Variants in EP300 observed in about 807,000 individuals in gnomAD.
The protein encoded by EP300 is histone acetyltransferase p300.
EP300 carries 31 observed loss-of-function variants against 264.0 expected under a neutral mutation model. That is an observed-to-expected ratio of 0.12 (90% CI 0.09 to 0.16). EP300 has a LOEUF of 0.16. EP300 is among the 10% of genes least tolerant of loss of function. The pLI is 1.00. For synonymous variants in EP300, 1,340 were observed against 1,045.4 expected, an observed-to-expected ratio of 1.28 and a Z score of -5.44; for missense variants, 2,766 against 3,052.9, an observed-to-expected ratio of 0.91 and a Z score of 2.21.
chr22:41,135,082 A>G (rs1457212952), intron 6 of EP300, among the ~76,000 whole-genome samples: 1 of 151,346 alleles, frequency 6.6e-6, no homozygotes, highest in African/African-American at 2.4e-5. Flanking sequence ...GTTTTCTTTT[A>G]GTAGAGACAG....
At chr22:41,136,177 C>T (rs1045184163) in intron 7 of EP300, among the ~76,000 whole-genome samples, 7 of 152,190 alleles carry the variant, frequency 4.6e-5, no homozygotes, top group African/African-American at 1.2e-4. Context: ...AGGAACACAC[C>T]ACCATGCCCA....
intron 9 of EP300, 87 bp downstream of exon 9, chr22:41,140,344 T>TGCTAA: frequency 1.1e-6 from 1 of 917,780 alleles, no homozygotes; most frequent in Non-Finnish European, 1.8e-6. Context: ...AAGTAGTACA[T>TGCTAA]ATGCTTCAGA....
At chr22:41,107,480 G>A (rs1386419234) in intron 1 of EP300, among the ~76,000 whole-genome samples, 1 of 151,648 alleles carries the variant, frequency 6.6e-6, no homozygotes, top group Non-Finnish European at 1.5e-5. Context: ...TAGATTTTGA[G>A]CCAAAATTGT....
intron 6 of EP300, among the ~76,000 whole-genome samples, chr22:41,132,990 A>G (rs921696703): frequency 6.6e-6 from 1 of 152,194 alleles, no homozygotes; most frequent in Non-Finnish European, 1.5e-5. Context: ...AAGCAGTTCA[A>G]ATATCTAAGC....
chr22:41,173,583 A>G (rs773181651), intron 28 of EP300, 40 bp from the exon 29 acceptor site: 3 of 1,611,588 alleles, frequency 1.9e-6, no homozygotes, highest in Non-Finnish European at 2.5e-6. Flanking sequence ...ATTACTTAAC[A>G]AAAACCTTAT....
chr22:41,163,459 G>A (rs949538586), intron 21 of EP300, among the ~76,000 whole-genome samples: 5 of 140,550 alleles, frequency 3.6e-5, no homozygotes, highest in Admixed American at 2.9e-4. Context: ...AAAAAAATTA[G>A]CCAGGTTTGG....
chr22:41,174,020 G>A (rs959269638), intron 29 of EP300, among the ~76,000 whole-genome samples: 10 of 152,204 alleles, frequency 6.6e-5, no homozygotes, highest in African/African-American at 2.4e-4. Context: ...TGAGGCAGGA[G>A]AATTGCTTGA....
At chr22:41,132,221 C>CA (rs2058923783) in intron 6 of EP300, among the ~76,000 whole-genome samples, 1 of 148,690 alleles carries the variant, frequency 6.7e-6, no homozygotes, top group Non-Finnish European at 1.5e-5. Flanking sequence ...ACTATGTAGA[C>CA]ATCTTTCATA....
chr22:41,111,644 C>T (rs2058791112), intron 1 of EP300, among the ~76,000 whole-genome samples: 1 of 151,906 alleles, frequency 6.6e-6, no homozygotes, highest in Admixed American at 6.6e-5. Context: ...CCAAGTCAAG[C>T]GATTCTCCTG....
intron 1 of EP300, among the ~76,000 whole-genome samples, chr22:41,109,481 C>A (rs2058776807): frequency 6.6e-6 from 1 of 152,008 alleles, no homozygotes. Context: ...AAGAAAAATG[C>A]CTGACACATT....
intron 1 of EP300, among the ~76,000 whole-genome samples, chr22:41,094,736 T>C (rs1003574267): frequency 6.6e-6 from 1 of 152,224 alleles, no homozygotes. Flanking sequence ...GTGGTAGTTT[T>C]TGCTTTTTAG....
At chr22:41,146,879 T>C in intron 11 of EP300, 63 bp downstream of exon 11, 1 of 1,413,666 alleles carries the variant, frequency 7.1e-7, no homozygotes. Flanking sequence ...AGATAATACT[T>C]GCTACCTGAA....
At chr22:41,114,262 G>C (rs2058809658) in intron 1 of EP300, among the ~76,000 whole-genome samples, 1 of 152,104 alleles carries the variant, frequency 6.6e-6, no homozygotes, top group Non-Finnish European at 1.5e-5. Context: ...GCTCACTGCA[G>C]CCTCAACTTC....
intron 27 of EP300, 98 bp downstream of exon 27, chr22:41,170,669 T>A: frequency 7.4e-7 from 1 of 1,354,786 alleles, no homozygotes; most frequent in Non-Finnish European, 1.0e-6. Context: ...TTTTTTTTTT[T>A]TTTTTTTTTT....
rs954848183 is a variant in EP300, at chr22:41,131,762, A to G, written c.1528+129A>G. On this transcript the variant is annotated intron_variant, in intron 6 of 30. Coordinates refer to ENST00000263253, the MANE Select transcript of EP300 (RefSeq NM_001429.4). ...TTTTAAGTAATTTTTTAAAGATTACAGTGTAAAAGGTCCCTTACAGTTCAT... is the reference window on the plus strand; with the variant it reads ...TTTTAAGTAATTTTTTAAAGATTACGGTGTAAAAGGTCCCTTACAGTTCAT... The G allele has an allele frequency of 5.8e-6, 8 of 1,368,538 alleles. No individual in the cohort carries two copies. The African/African-American group carries it at 8.6e-5, about 15-fold the overall frequency. 84.8% of individuals were successfully genotyped at this position (1,368,538 alleles called of 1,614,324 possible).
At position 41,169,573 on chromosome 22, in the gene EP300, C is replaced by T; in HGVS notation, c.4243C>T (p.His1415Tyr). The change falls in exon 26 of 31, where the codon CAT becomes TAT. Residue 1415 changes from histidine to tyrosine, a missense_variant. His to Tyr is a moderately conservative substitution (Grantham distance 83). Transcript: ENST00000263253. ...RPKCLRTAVY[H>Y]EILIGYLEYV... The stretch of plus-strand genomic sequence containing the variant: ...TAAATGCTTGAGGACTGCAGTCTAT[C>T]ATGAAATCCTAATTGGATATTTAGA... 1.2e-6 allele frequency: 2 copies of T among 1,609,640 alleles called. No homozygotes were observed. The highest frequency in any genetic ancestry group is 4.5e-5 in the East Asian group (2 of 44,866).
Position 41,127,568 on chromosome 22 carries a change from G to T in EP300, c.988G>T (p.Ala330Ser). The change falls in exon 4 of 31, where the codon GCT becomes TCT. Residue 330 changes from alanine (A) to serine (S), a missense_variant. Physicochemically the swap from Ala to Ser is moderately conservative, Grantham distance 99 (BLOSUM62 1). Transcript: ENST00000263253. ...AQGMGSGAHT[A>S]DPEKRKLIQQ... is the part of the protein sequence containing the mutation. ...AGGGATGGGTTCTGGAGCACATACA[G>T]CTGATCCAGAGAAGCGCAAGCTCAT... The T allele has an allele frequency of 6.2e-7, 1 of 1,614,216 alleles. No homozygotes were observed. The highest frequency in any genetic ancestry group is 8.5e-7 in the Non-Finnish European group (1 of 1,180,030).
intron 29 of EP300, chr22:41,175,957 C>T: frequency 2.2e-6 from 1 of 450,824 alleles, no homozygotes; most frequent in Non-Finnish European, 4.1e-6. Context: ...TACCTGCTCA[C>T]ACCTGTAATC....
chr22:41,145,912 G>C (rs1471273596), intron 10 of EP300, among the ~76,000 whole-genome samples: 5 of 151,996 alleles, frequency 3.3e-5, no homozygotes, highest in African/African-American at 9.7e-5. Flanking sequence ...TGGGATTACA[G>C]GATATTTTAT....
Sources: gnomAD v4.1 joint callset for allele counts (sites outside exome capture counted in the v4.1 genomes callset) on GRCh38, gnomAD v4.1.1 for gene constraint, MANE v1.5 for transcripts, NCBI Gene and HGNC (gene_info 2026-07-23, HGNC 2026-07-21) for gene names.